Variants in TRAPPC9 observed in about 807,000 individuals in gnomAD.
The protein encoded by TRAPPC9 is trafficking protein particle complex subunit 9.
In TRAPPC9, 83 loss-of-function variants were observed where a neutral mutation model predicts 124.0. That is an observed-to-expected ratio of 0.67 (90% CI 0.56 to 0.80). The LOEUF (loss-of-function observed/expected upper bound fraction) is 0.80. Among genes scored for constraint, TRAPPC9 ranks in the 30% least tolerant of loss-of-function variants. TRAPPC9 has a pLI of 0.00. For synonymous variants in TRAPPC9, 638 were observed against 617.5 expected (o/e 1.03, Z -0.49); for missense variants, 1,302 against 1,508.3 (o/e 0.86, Z 2.27).
chr8:140,160,922 C>T (rs960212466), intron 17 of TRAPPC9, among the ~76,000 whole-genome samples: 4 of 152,106 alleles, frequency 2.6e-5, no homozygotes, highest in East Asian at 1.9e-4. Flanking sequence ...GAAACAAGAG[C>T]GAGATTCCTA....
intron 17 of TRAPPC9, among the ~76,000 whole-genome samples, chr8:140,034,748 A>G (rs1227863753): frequency 6.6e-6 from 1 of 152,258 alleles, no homozygotes; most frequent in Non-Finnish European, 1.5e-5. Flanking sequence ...CAGCACAGGT[A>G]TCACTACCTC....
intron 17 of TRAPPC9, among the ~76,000 whole-genome samples, chr8:140,111,380 G>A (rs368333378): frequency 2.0e-5 from 3 of 152,062 alleles, no homozygotes; most frequent in African/African-American, 4.8e-5. Flanking sequence ...CACCTTGGCC[G>A]CCAGCTCCAT....
chr8:140,288,894 G>A (rs867659184), intron 12 of TRAPPC9, among the ~76,000 whole-genome samples: 2 of 152,140 alleles, frequency 1.3e-5, no homozygotes, highest in Non-Finnish European at 2.9e-5. Context: ...TCTTTTTAGC[G>A]GGTTGGTTTT....
At position 139,742,639 on chromosome 8, in the gene TRAPPC9, T is replaced by G. The variant is rs1411642108; in HGVS notation, c.3056-10437A>C. Among the ~76,000 whole-genome samples, 1 of 152,064 alleles carries G rather than the reference T, an allele frequency of 6.6e-6. No homozygotes were observed. The highest frequency in any genetic ancestry group is 1.9e-4 in the East Asian group (1 of 5,192). ...GCAGAGGCAGGATGGACTCAGGAGT[T>G]AGGGAGCCAGGAGATGGGGCCAGAT... On this transcript the variant is annotated intron_variant, in intron 21 of 22. Transcript: ENST00000438773. This position sits in a 1 kb window ranked among gnomAD's most constrained non-coding sequence, Gnocchi z 4.7.
At chr8:140,111,409 C>T (rs761677903) in intron 17 of TRAPPC9, among the ~76,000 whole-genome samples, 22 of 152,206 alleles carry the variant, frequency 1.4e-4, no homozygotes, top group Non-Finnish European at 2.6e-4. Context: ...TAACCCCATG[C>T]TGTGCTCCTT....
intron 15 of TRAPPC9, among the ~76,000 whole-genome samples, chr8:140,262,344 G>A (rs544551504): frequency 6.6e-6 from 1 of 151,122 alleles, no homozygotes; most frequent in Admixed American, 6.6e-5. Flanking sequence ...CCCTCCCTGA[G>A]TTCTTTATTT....
chr8:139,849,554 A>G (rs1439428009), intron 21 of TRAPPC9, among the ~76,000 whole-genome samples: 2 of 152,264 alleles, frequency 1.3e-5, no homozygotes, highest in African/African-American at 4.8e-5. Flanking sequence ...TAAATGTATT[A>G]CATTACAATA....
intron 9 of TRAPPC9, among the ~76,000 whole-genome samples, chr8:140,336,663 C>T (rs2067050191): frequency 6.6e-6 from 1 of 152,154 alleles, no homozygotes; most frequent in African/African-American, 2.4e-5. Flanking sequence ...GAGCAAGCAA[C>T]AAAATGAAGG....
intron 5 of TRAPPC9, among the ~76,000 whole-genome samples, chr8:140,421,276 G>A (rs1200924725): frequency 6.6e-6 from 1 of 152,174 alleles, no homozygotes; most frequent in Non-Finnish European, 1.5e-5. Context: ...CCCCCATGCT[G>A]CATATAAATG....
In TRAPPC9 at chr8:140,456,781, G is replaced by T. The variant is rs532963704; in HGVS notation, c.-11+858C>A. On this transcript the variant is annotated intron_variant, in intron 1 of 22. Transcript: ENST00000438773. Reference sequence around the variant, plus strand: ...AACTGGGGCCGTGAGGGATGGAAGGGAAGTCACTCCCCCATACCTTTCAAC... The same window carrying T: ...AACTGGGGCCGTGAGGGATGGAAGGTAAGTCACTCCCCCATACCTTTCAAC... The T allele has an allele frequency of 1.9e-4, 187 of 985,312 alleles. No homozygotes were observed. The African/African-American group carries it at 3.0e-3, about 16-fold the overall frequency. 61.0% of individuals were successfully genotyped at this position (985,312 alleles called of 1,614,324 possible). A position where few individuals can be genotyped will look rare whatever the true frequency, so the allele number is the denominator to read the frequency against.
chr8:140,290,218 T>C (rs767511340), intron 12 of TRAPPC9, among the ~76,000 whole-genome samples: 6 of 152,092 alleles, frequency 3.9e-5, no homozygotes, highest in Non-Finnish European at 8.8e-5. Flanking sequence ...GCGAGATACA[T>C]GCATGAAAGG....
chr8:140,454,825 G>C (rs192350543), intron 1 of TRAPPC9, among the ~76,000 whole-genome samples: 3 of 151,012 alleles, frequency 2.0e-5, no homozygotes, highest in Non-Finnish European at 4.4e-5. Flanking sequence ...TATAATTCCA[G>C]CTACTTGGGA....
intron 19 of TRAPPC9, among the ~76,000 whole-genome samples, chr8:139,937,969 G>A (rs1444793412): frequency 1.3e-5 from 2 of 152,100 alleles, no homozygotes; most frequent in African/African-American, 4.8e-5. Flanking sequence ...AGTCTTCGGG[G>A]ATTTGAAAAC....
In TRAPPC9 at chr8:140,257,266, G is replaced by T. The variant is rs1177886127; in HGVS notation, c.2279-4337C>A. The stretch of plus-strand genomic sequence containing the variant: ...GTCCCAGAGTCAAGAGGTGAACCCT[G>T]GCCCTCACACCCATTCACCGTGCCT... On this transcript the variant is annotated intron_variant, in intron 15 of 22. Transcript: ENST00000438773. This position sits in a 1 kb window ranked among gnomAD's most constrained non-coding sequence, Gnocchi z 4.6. Among the ~76,000 whole-genome samples, 1 of 152,184 alleles carries T rather than the reference G, an allele frequency of 6.6e-6. No homozygotes were observed. Among genetic ancestry groups the T allele is most frequent in the African/African-American group, 2.4e-5 (1 of 41,450 alleles).
intron 17 of TRAPPC9, among the ~76,000 whole-genome samples, chr8:140,163,228 C>A (rs1214532901): frequency 2.6e-5 from 4 of 152,178 alleles, no homozygotes; most frequent in Non-Finnish European, 4.4e-5. Flanking sequence ...CAACCCTCAG[C>A]TCCAGAAGCA....
intron 17 of TRAPPC9, among the ~76,000 whole-genome samples, chr8:140,039,428 C>T (rs1841119699): frequency 6.6e-6 from 1 of 152,230 alleles, no homozygotes; most frequent in South Asian, 2.1e-4. Context: ...CCAGTATACT[C>T]AGCGCCTCCC....
At chr8:140,129,921 G>A (rs553776209) in intron 17 of TRAPPC9, among the ~76,000 whole-genome samples, 14 of 152,302 alleles carry the variant, frequency 9.2e-5, no homozygotes, top group Admixed American at 2.6e-4. Flanking sequence ...AGTGGCATCC[G>A]AATCAGCTAC....
chr8:140,396,913 G>C (rs557989174), intron 7 of TRAPPC9, among the ~76,000 whole-genome samples: 3 of 152,184 alleles, frequency 2.0e-5, no homozygotes, highest in African/African-American at 7.2e-5. Context: ...TCAGATGGAT[G>C]AGGACAGGAC....
rs973833246 is a variant in TRAPPC9 at position 140,124,259 on chromosome 8, G to A, written c.2556+97200C>T. Among the ~76,000 whole-genome samples the A allele has an allele frequency of 5.9e-5, 9 of 152,272 alleles. No homozygotes were observed. In the South Asian group the frequency reaches 1.2e-3, roughly 21 times the overall value. On this transcript the variant is annotated intron_variant, in intron 17 of 22. Transcript: ENST00000438773. Reference sequence around the variant, plus strand: ...CGTTCCTGGGGTAGGGTGCAGGGGGGGCTCTGCCTGAGCCCCTTCCAGTTT... The same window carrying A: ...CGTTCCTGGGGTAGGGTGCAGGGGGAGCTCTGCCTGAGCCCCTTCCAGTTT...
Sources: gnomAD v4.1 joint callset for allele counts (sites outside exome capture counted in the v4.1 genomes callset) on GRCh38, gnomAD v4.1.1 for gene constraint, Gnocchi (gnomAD v3.1) non-coding constraint, MANE v1.5 for transcripts, NCBI Gene and HGNC (gene_info 2026-07-23, HGNC 2026-07-21) for gene names.